Variants in LIMD1 observed in about 807,000 individuals in gnomAD.
LIMD1 encodes the protein LIM domain containing 1.
LIMD1 carries 23 observed loss-of-function variants against 58.4 expected under a neutral mutation model. That is an observed-to-expected ratio of 0.39 (90% CI 0.28 to 0.56). The LOEUF is 0.56. LIMD1 is among the 20% of genes least tolerant of loss of function. The pLI is 0.57. For synonymous variants in LIMD1, 334 were observed against 345.5 expected, an observed-to-expected ratio of 0.97 and a Z score of 0.37; for missense variants, 838 against 855.5, an observed-to-expected ratio of 0.98 and a Z score of 0.25.
In LIMD1 at chr3:45,595,367, A is replaced by T; in HGVS notation, c.488A>T (p.His163Leu). The T allele has an allele frequency of 1.2e-6, 2 of 1,613,690 alleles. No individual in the cohort carries two copies. The highest frequency in any genetic ancestry group is 2.7e-5 in the African/African-American group (2 of 75,064). ...GCGACTTCTGAGATGTCTGCTTTCC[A>T]CCAGCCAGGCCCCTGTGAGGATCCT... ...SLATSEMSAF[H>L]QPGPCEDPSC... The change falls in exon 1 of 8, where the codon CAC (histidine) becomes CTC (leucine). Residue 163 changes from histidine (H) to leucine (L), a missense_variant. His to Leu is a moderately conservative substitution (Grantham distance 99, BLOSUM62 -3). Around this residue, in one of 3 missense-constraint regions of LIMD1, gnomAD observed 659 missense variants for 639.8 expected, o/e 1.03. Coordinates refer to ENST00000273317, the MANE Select transcript of LIMD1 (RefSeq NM_014240.3).
At chr3:45,672,647 A>G (rs1266609425) in intron 4 of LIMD1, 43 bp from the exon 5 acceptor site, 2 of 1,608,414 alleles carry the variant, frequency 1.2e-6, no homozygotes, top group East Asian at 2.2e-5. Flanking sequence ...CCACCATCTC[A>G]TCCTTCCCTA....
At chr3:45,670,928 G>A (rs1697579489) in intron 4 of LIMD1, among the ~76,000 whole-genome samples, 1 of 152,200 alleles carries the variant, frequency 6.6e-6, no homozygotes, top group Non-Finnish European at 1.5e-5. Context: ...GGGCTTGCAG[G>A]TTAGAACCAG....
intron 1 of LIMD1, among the ~76,000 whole-genome samples, chr3:45,597,879 C>G (rs563514525): frequency 6.6e-6 from 1 of 152,254 alleles, no homozygotes; most frequent in Non-Finnish European, 1.5e-5. Flanking sequence ...TTTTGCTTCT[C>G]ATGAGAACCT....
rs866699997 is a variant in LIMD1 at position 45,654,827 on chromosome 3, A to G, written c.1511-10823A>G. On this transcript the variant is annotated intron_variant, in intron 2 of 7. Coordinates refer to ENST00000273317, the MANE Select transcript of LIMD1 (RefSeq NM_014240.3). ...GACCCTGTCTCAAAAAAAAAAAAAAAAAAAAAAGAAAAAAGAAAAAATTCA... is the reference window on the plus strand; with the variant it reads ...GACCCTGTCTCAAAAAAAAAAAAAAGAAAAAAAGAAAAAAGAAAAAATTCA... 4.6e-5 allele frequency among the ~76,000 whole-genome samples: 7 copies of G among 151,236 alleles called. No individual in the cohort carries two copies. The South Asian group carries it at 6.3e-4, about 14-fold the overall frequency.
chr3:45,614,409 T>TA (rs776301383), intron 1 of LIMD1, among the ~76,000 whole-genome samples: 4,825 of 125,482 alleles, frequency 0.038, 130 homozygotes, highest in East Asian at 0.11. Context: ...CACCTGTAGT[T>TA]AAAAAAAAAA....
At chr3:45,664,744 C>T (rs141354602) in intron 2 of LIMD1, among the ~76,000 whole-genome samples, 11 of 152,332 alleles carry the variant, frequency 7.2e-5, no homozygotes, top group African/African-American at 2.6e-4. Flanking sequence ...GTTCGTCTGG[C>T]GGGTTTCTCT....
intron 1 of LIMD1, among the ~76,000 whole-genome samples, chr3:45,617,900 C>A (rs1488265027): frequency 2.0e-5 from 3 of 152,232 alleles, no homozygotes; most frequent in African/African-American, 2.4e-5. Context: ...GCCTCTTTTC[C>A]TTCTCTGGTA....
intron 1 of LIMD1, among the ~76,000 whole-genome samples, chr3:45,621,712 T>C (rs1559516901): frequency 6.6e-6 from 1 of 152,166 alleles, no homozygotes; most frequent in African/African-American, 2.4e-5. Context: ...CATTCTTTCT[T>C]AAACAACAGC....
chr3:45,642,809 G>A (rs1198242525), intron 2 of LIMD1, among the ~76,000 whole-genome samples: 1 of 152,192 alleles, frequency 6.6e-6, no homozygotes, highest in African/African-American at 2.4e-5. Flanking sequence ...CCAGCAGTAA[G>A]CATCAGGTTG....
In LIMD1 at chr3:45,596,171, G is replaced by T. The variant is rs771099262; in HGVS notation, c.1292G>T (p.Cys431Phe). Reference sequence around the variant, plus strand: ...AGCTCCCCTAGGGTAAGGCTGCCCTGCCAGCCCCTCGTCCCAGGTCCTGAG... The same window carrying T: ...AGCTCCCCTAGGGTAAGGCTGCCCTTCCAGCCCCTCGTCCCAGGTCCTGAG... The part of the protein sequence containing the change: ...SPSSPRVRLP[C>F]QPLVPGPELR... The change falls in exon 1 of 8, where the codon TGC becomes TTC. Residue 431 changes from cysteine to phenylalanine, a missense_variant. By Grantham distance (205) the Cys-to-Phe change is radical. Transcript: ENST00000273317. 25 of 1,613,878 alleles carry T rather than the reference G, an allele frequency of 1.5e-5. No individual in the cohort carries two copies. The highest frequency in any genetic ancestry group is 1.9e-5 in the Non-Finnish European group (22 of 1,179,970).
At position 45,594,799 on chromosome 3, in the gene LIMD1, A is replaced by ACACACACACACG; in HGVS notation, c.-70_-69insGCACACACACAC. 1 of 145,436 alleles carries ACACACACACACG rather than the reference A, an allele frequency of 6.9e-6. No homozygotes were observed. 9.0% of individuals were successfully genotyped at this position (145,436 alleles called of 1,614,324 possible). On this transcript the variant is annotated 5_prime_UTR_variant, in exon 1 of 8. Transcript: ENST00000273317. Reference sequence around the variant, plus strand: ...CCTCAACACACACACACACACACACACACACACACACACACACACACACAC... The same window carrying ACACACACACACG: ...CCTCAACACACACACACACACACACACACACACACACGCACACACACACACACACACACACAC...
intron 1 of LIMD1, among the ~76,000 whole-genome samples, chr3:45,629,395 A>G (rs1438637812): frequency 2.7e-5 from 4 of 148,606 alleles, no homozygotes; most frequent in Non-Finnish European, 5.9e-5. Context: ...CCTGGGTGAC[A>G]AAGAAGACTC....
intron 1 of LIMD1, among the ~76,000 whole-genome samples, chr3:45,629,701 C>G (rs145415829): frequency 2.2e-4 from 33 of 152,264 alleles, no homozygotes; most frequent in African/African-American, 7.7e-4. Context: ...AAGATACAAG[C>G]AGCTGGATGG....
At chr3:45,607,200 C>T (rs925527906) in intron 1 of LIMD1, among the ~76,000 whole-genome samples, 6 of 152,188 alleles carry the variant, frequency 3.9e-5, no homozygotes. Context: ...GGCGTGGCAA[C>T]GCAGGGTAGC....
chr3:45,597,650 T>G (rs918387172), intron 1 of LIMD1, among the ~76,000 whole-genome samples: 1 of 152,206 alleles, frequency 6.6e-6, no homozygotes, highest in South Asian at 2.1e-4. Context: ...CTTTGGATAA[T>G]TGACCCCCGT....
intron 4 of LIMD1, among the ~76,000 whole-genome samples, chr3:45,668,769 T>C (rs113772383): frequency 4.8e-5 from 7 of 146,470 alleles, no homozygotes; most frequent in Non-Finnish European, 1.0e-4. Context: ...AAAAAAAAAG[T>C]CCCTGTAAAG....
chr3:45,675,322 G>C (rs1312351518), intron 7 of LIMD1, among the ~76,000 whole-genome samples: 1 of 152,240 alleles, frequency 6.6e-6, no homozygotes, highest in East Asian at 1.9e-4. Flanking sequence ...TTGAGGTCAG[G>C]AGTTCGAGAC....
Position 45,677,045 on chromosome 3 carries a change from C to T in LIMD1, c.2017C>T (p.Gln673Ter). ...GAGACCCTCATCTACAGCCCTTCAC[C>T]AGCACCACTTCTAGCCAGAGCCACT... Reference protein sequence around the residue: ...EKRPSSTALHQHHF With the variant: ...EKRPSSTALH The change falls in exon 8 of 8, where the codon CAG becomes TAG. Residue 673 changes from glutamine (Q) to a stop codon, truncating the protein, a stop_gained. Coordinates refer to ENST00000273317, the MANE Select transcript of LIMD1 (RefSeq NM_014240.3). LOFTEE classifies it high-confidence loss of function. The T allele has an allele frequency of 6.2e-7, 1 of 1,613,780 alleles. No individual in the cohort carries two copies. Among genetic ancestry groups the T allele is most frequent in the Non-Finnish European group, 8.5e-7 (1 of 1,179,982 alleles).
At chr3:45,666,914 C>G (rs1697527867) in intron 3 of LIMD1, among the ~76,000 whole-genome samples, 1 of 152,186 alleles carries the variant, frequency 6.6e-6, no homozygotes, top group Admixed American at 6.5e-5. Context: ...GAGAAAAGCT[C>G]TATTTGGTTT....
Sources: gnomAD v4.1 joint callset for allele counts (sites outside exome capture counted in the v4.1 genomes callset) on GRCh38, gnomAD v4.1.1 for gene constraint, gnomAD v4.1.1 regional missense constraint, MANE v1.5 for transcripts, NCBI Gene and HGNC (gene_info 2026-07-23, HGNC 2026-07-21) for gene names.